The following SF3A3 variants were observed in gnomAD, a reference collection of about 807,000 sequenced individuals.
The protein encoded by SF3A3 is SAP 61.
Under a neutral mutation model 85.8 loss-of-function variants are expected in SF3A3, and 9 were observed. The ratio of observed to expected loss-of-function variants is 0.10; its 90% confidence interval spans 0.06 to 0.18. The LOEUF (loss-of-function observed/expected upper bound fraction) is 0.18, where lower values mean the gene tolerates loss of function less well. SF3A3 is among the 10% of genes least tolerant of loss of function. The pLI, the probability that SF3A3 is intolerant of heterozygous loss-of-function variation, is 1.00. For synonymous variants in SF3A3, 195 were observed against 204.4 expected (o/e 0.95, Z 0.39); for missense variants, 306 against 593.3 (o/e 0.52, Z 5.03).
intron 15 of SF3A3, among the ~76,000 whole-genome samples, chr1:37,963,718 G>C (rs1288162359): frequency 6.6e-6 from 1 of 150,924 alleles, no homozygotes; most frequent in Admixed American, 6.6e-5. Flanking sequence ...CACAACGTCC[G>C]ACTAATTTTT....
intron 6 of SF3A3, among the ~76,000 whole-genome samples, chr1:37,982,780 A>G (rs1275670523): frequency 6.6e-6 from 1 of 152,182 alleles, no homozygotes; most frequent in African/African-American, 2.4e-5. Context: ...GTTTGTGTCT[A>G]AAACAGGAAC....
At chr1:37,963,319 AAGAG>A (rs1157278398) in intron 15 of SF3A3, among the ~76,000 whole-genome samples, 2 of 152,040 alleles carry the variant, frequency 1.3e-5, no homozygotes, top group East Asian at 1.9e-4. Flanking sequence ...GTCTCAGAAA[AAGAG>A]AGAGAAGACA....
At chr1:37,968,262 TTG>T (rs1196171851) in intron 14 of SF3A3, 128 bp from the exon 15 acceptor site, 1 of 670,862 alleles carries the variant, frequency 1.5e-6, no homozygotes, top group Admixed American at 2.3e-5. Flanking sequence ...AGCATTCCTT[TTG>T]TGATTCATGT....
At chr1:37,962,992 A>G (rs1030696978) in intron 15 of SF3A3, among the ~76,000 whole-genome samples, 2 of 151,192 alleles carry the variant, frequency 1.3e-5, no homozygotes, top group Non-Finnish European at 1.5e-5. Context: ...GGAGGCTGAG[A>G]CAGGAGAATC....
intron 1 of SF3A3, 111 bp from the exon 2 acceptor site, chr1:37,989,706 C>A (rs1646481686): frequency 7.3e-7 from 1 of 1,378,974 alleles, no homozygotes; most frequent in East Asian, 2.4e-5. Context: ...GGCAGAAAGG[C>A]CTCTGGGGCT....
intron 15 of SF3A3, among the ~76,000 whole-genome samples, chr1:37,965,555 A>G (rs1258115059): frequency 6.6e-6 from 1 of 151,772 alleles, no homozygotes; most frequent in African/African-American, 2.4e-5. Context: ...GGACTTTAAG[A>G]CCAGCCTGGG....
chr1:37,974,552 T>C (rs1236167851), intron 12 of SF3A3, among the ~76,000 whole-genome samples: 1 of 152,120 alleles, frequency 6.6e-6, no homozygotes, highest in Non-Finnish European at 1.5e-5. Flanking sequence ...TCTGCCCGCC[T>C]TGGCCTCACA....
At position 37,987,653 on chromosome 1, in the gene SF3A3, T is replaced by C; in HGVS notation, c.223A>G (p.Ile75Val). 1.9e-6 allele frequency: 3 copies of C among 1,614,140 alleles called. No homozygotes were observed. Among genetic ancestry groups the C allele is most frequent in the Non-Finnish European group, 2.5e-6 (3 of 1,179,994 alleles). Residue 75 changes from isoleucine to valine, a missense_variant, in exon 4 of 17, where the codon ATT becomes GTT. Ile to Val is a conservative substitution (Grantham distance 29). Coordinates refer to ENST00000373019, the MANE Select transcript of SF3A3 (RefSeq NM_006802.4). ...TCAGCAAACTCATTGGGTCCTGAAA[T>C]GGCATTGAGCTCCTCCTTTCGTAAT... is the stretch of plus-strand genomic sequence containing the variant. ...DGLRKEELNA[I>V]SGPNEFAEFY...
intron 2 of SF3A3, among the ~76,000 whole-genome samples, chr1:37,989,310 G>GA (rs368894511): frequency 0.026 from 3,531 of 136,652 alleles, 127 homozygotes; most frequent in African/African-American, 0.088. Flanking sequence ...AGAAGAAGAA[G>GA]AAAAAAAAAA....
chr1:37,964,641 A>T (rs1646286355), intron 15 of SF3A3, among the ~76,000 whole-genome samples: 1 of 151,930 alleles, frequency 6.6e-6, no homozygotes, highest in Non-Finnish European at 1.5e-5. Flanking sequence ...GAAATGAAAT[A>T]AAAAAAGAAG....
intron 9 of SF3A3, 154 bp from the exon 10 acceptor site, chr1:37,979,209 T>G (rs1327435290): frequency 3.0e-6 from 2 of 656,048 alleles, no homozygotes; most frequent in Non-Finnish European, 5.4e-6. Flanking sequence ...GAGGACTGAA[T>G]CTATAGTTAT....
At chr1:37,988,879 G>GTGTGTA (rs1360456849) in intron 2 of SF3A3, among the ~76,000 whole-genome samples, 2 of 144,354 alleles carry the variant, frequency 1.4e-5, no homozygotes, top group East Asian at 2.1e-4. Flanking sequence ...GTGTGTGTGT[G>GTGTGTA]TATATATATA....
intron 12 of SF3A3, among the ~76,000 whole-genome samples, chr1:37,970,417 T>G (rs1646330398): frequency 6.6e-6 from 1 of 151,890 alleles, no homozygotes; most frequent in Non-Finnish European, 1.5e-5. Flanking sequence ...ATGGGAAACT[T>G]TAACACCCCA....
At position 37,970,596 on chromosome 1, in the gene SF3A3, C is replaced by A. The variant is rs1369851229; in HGVS notation, c.1006-861G>T. Among the ~76,000 whole-genome samples, 2 of 152,098 alleles carry A rather than the reference C, an allele frequency of 1.3e-5. 1 individual carries two copies. Among genetic ancestry groups the A allele is most frequent in the East Asian group, 3.8e-4 (2 of 5,198 alleles). On this transcript the variant is annotated intron_variant, in intron 12 of 16. Transcript: ENST00000373019. ...ATCACACTTATTCCAAAATTGACCA[C>A]ATAGTTGGAAGTAAAGCACTCCTCA...
At chr1:37,982,545 T>A (rs1479711615) in intron 6 of SF3A3, among the ~76,000 whole-genome samples, 2 of 151,928 alleles carry the variant, frequency 1.3e-5, no homozygotes, top group African/African-American at 4.8e-5. Context: ...TAATTTTTTC[T>A]ATTTTTAGTA....
chr1:37,978,496 A>G (rs1646395078), intron 11 of SF3A3, among the ~76,000 whole-genome samples: 1 of 152,174 alleles, frequency 6.6e-6, no homozygotes, highest in Admixed American at 6.6e-5. Context: ...ATGGTTTCAA[A>G]TTTAGAAACT....
intron 6 of SF3A3, 24 bp from the exon 7 acceptor site, chr1:37,981,835 A>G: frequency 7.4e-7 from 1 of 1,360,144 alleles, no homozygotes; most frequent in Non-Finnish European, 1.0e-6. Context: ...AGAAATGACA[A>G]GAAATTCAGT....
rs7518337 is a variant in SF3A3 at position 37,979,542 on chromosome 1, A to G, written c.691-9T>C. 4,756 of 1,607,260 alleles carry G rather than the reference A, an allele frequency of 3.0e-3. 116 individuals are homozygous for G. The African/African-American group carries it at 0.056, about 19-fold the overall frequency. The stretch of plus-strand genomic sequence containing the variant: ...GCACTGCTTGTCTCTTTCTGGAAAG[A>G]ACAATATGGTATTTATTAAGATCCA... On this transcript the variant is annotated splice_polypyrimidine_tract_variant and intron_variant, in intron 8 of 16. Coordinates refer to ENST00000373019, the MANE Select transcript of SF3A3 (RefSeq NM_006802.4).
intron 4 of SF3A3, among the ~76,000 whole-genome samples, chr1:37,986,311 T>C (rs1430855419): frequency 6.6e-6 from 1 of 152,152 alleles, no homozygotes; most frequent in African/African-American, 2.4e-5. Context: ...CATCTTTACC[T>C]TGTGACCAGA....
Sources: allele counts gnomAD v4.1 joint callset (sites outside exome capture counted in the v4.1 genomes callset), GRCh38; gene constraint gnomAD v4.1.1; transcripts MANE v1.5; gene names NCBI Gene and HGNC (gene_info 2026-07-23, HGNC 2026-07-21).